The following SYNE1 variants were observed in gnomAD, a reference collection of about 807,000 sequenced individuals.
SYNE1 encodes the protein nesprin-1.
Under a neutral mutation model 1,111.0 loss-of-function variants are expected in SYNE1, and 616 were observed. That is an observed-to-expected ratio of 0.55 (90% CI 0.52 to 0.59). SYNE1 has a LOEUF of 0.59. SYNE1 is among the 20% of genes least tolerant of loss of function. The probability of loss-of-function intolerance (pLI) is 0.00; values close to 1 mark genes in which losing one functional copy is unlikely to be tolerated. For synonymous variants in SYNE1, 3,855 were observed against 3,825.8 expected (o/e 1.01, Z -0.28); for missense variants, 10,006 against 10,417.0 (o/e 0.96, Z 1.72).
intron 22 of SYNE1, 82 bp downstream of exon 22, chr6:152,458,675 G>T: frequency 6.9e-7 from 1 of 1,457,348 alleles, no homozygotes; most frequent in South Asian, 1.2e-5. Flanking sequence ...TGTCCTCACT[G>T]AATTTCTATT....
At chr6:152,268,021 C>G in intron 100 of SYNE1, 35 bp downstream of exon 100, 1 of 1,542,782 alleles carries the variant, frequency 6.5e-7, no homozygotes, top group Non-Finnish European at 9.0e-7. Context: ...CAGGGAAACA[C>G]AATGAAGAGA....
Position 152,329,948 on chromosome 6 carries a change from G to A in SYNE1, c.14737C>T (p.Leu4913=), listed in dbSNP as rs1292213434. 6.2e-7 allele frequency: 1 copy of A among 1,614,066 alleles called. No individual in the cohort carries two copies. The highest frequency in any genetic ancestry group is 1.3e-5 in the African/African-American group (1 of 74,926). ...VKAELSGPVY[L]DLNLQDIQEE... is the part of the protein sequence containing the mutation. ...TGGATGTCCTGCAGGTTGAGGTCTA[G>A]GTACACCGGCCCACTGAGCTCTGCC... Residue 4913 remains leucine, a synonymous_variant, in exon 78 of 146, where the codon CTA becomes TTA. Transcript: ENST00000367255.
chr6:152,439,057 T>TCA (rs2098503009), intron 32 of SYNE1, among the ~76,000 whole-genome samples: 1 of 152,224 alleles, frequency 6.6e-6, no homozygotes, highest in Non-Finnish European at 1.5e-5. Flanking sequence ...ATGATACCTA[T>TCA]TTCTTAGGAC....
chr6:152,160,947 T>A (rs1228449285), intron 131 of SYNE1, among the ~76,000 whole-genome samples: 2 of 151,938 alleles, frequency 1.3e-5, no homozygotes, highest in Non-Finnish European at 2.9e-5. Context: ...TATATATGAA[T>A]ATATATACAC....
chr6:152,180,345 C>T (rs769296449), intron 128 of SYNE1, 51 bp from the exon 129 acceptor site: 19 of 1,566,796 alleles, frequency 1.2e-5, no homozygotes, highest in Non-Finnish European at 1.1e-5. Flanking sequence ...AGAGAGAAGA[C>T]CACACTCCAA....
rs558746681 is a variant in SYNE1 at position 152,255,716 on chromosome 6, A to G, written c.19135T>C (p.Leu6379=). The change falls in exon 103 of 146, where the codon TTG becomes CTG. Residue 6379 remains leucine, a synonymous_variant. Transcript: ENST00000367255. ...SGGAKRQSIH[L]EQKLYDGVSA... is the part of the protein sequence containing the mutation. Reference sequence around the variant, plus strand: ...ACTCCATCATACAACTTCTGCTCCAAGTGTATACTCTGCCTCTTTGCCCCT... The same window carrying G: ...ACTCCATCATACAACTTCTGCTCCAGGTGTATACTCTGCCTCTTTGCCCCT... 1.9e-6 allele frequency: 3 copies of G among 1,614,198 alleles called. No individual in the cohort carries two copies. In the South Asian group the frequency reaches 3.3e-5, roughly 18 times the overall value.
chr6:152,516,314 A>T (rs2099111541), intron 6 of SYNE1, among the ~76,000 whole-genome samples: 1 of 152,226 alleles, frequency 6.6e-6, no homozygotes, highest in Non-Finnish European at 1.5e-5. Context: ...TTCTCAAGAC[A>T]CTACTTTTGG....
At chr6:152,546,027 G>A (rs187996285) in intron 3 of SYNE1, 29 of 152,158 alleles carry the variant, frequency 1.9e-4, no homozygotes, top group Non-Finnish European at 2.9e-4. Flanking sequence ...TGAATACAAA[G>A]GGGAAAACAA....
In SYNE1 at chr6:152,484,038, C is replaced by CAAAAAA. The variant is rs773019397; in HGVS notation, c.1185+791_1186-790dup. ...GCAATATAGTGAGATCTCATCTCTACAAAAAAAAAAAAAAAAAAAAAAAAT... is the reference window on the plus strand; with the variant it reads ...GCAATATAGTGAGATCTCATCTCTACAAAAAAAAAAAAAAAAAAAAAAAAAAAAAAT... On this transcript the variant is annotated intron_variant, in intron 13 of 145. Transcript: ENST00000367255. 9.3e-5 allele frequency among the ~76,000 whole-genome samples: 5 copies of CAAAAAA among 53,502 alleles called. 1 individual carries two copies. Among genetic ancestry groups the CAAAAAA allele is most frequent in the Admixed American group, 2.1e-4 (1 of 4,672 alleles). 35.1% of individuals were successfully genotyped at this position (53,502 alleles called of 152,430 possible).
intron 127 of SYNE1, among the ~76,000 whole-genome samples, chr6:152,199,272 T>C (rs7771170): frequency 0.01 from 1,588 of 152,338 alleles, 28 homozygotes; most frequent in African/African-American, 0.036. Context: ...CCTTTCTTTT[T>C]GTCCTGAATT....
At chr6:152,140,292 G>A (rs1407138362) in intron 139 of SYNE1, 131 bp from the exon 140 acceptor site, 12 of 856,250 alleles carry the variant, frequency 1.4e-5, no homozygotes, top group South Asian at 4.3e-5. Context: ...GGGCATTTTC[G>A]TTGTTGTCAT....
chr6:152,392,324 C>T (rs1444365446), intron 51 of SYNE1, among the ~76,000 whole-genome samples: 1 of 152,012 alleles, frequency 6.6e-6, no homozygotes, highest in Non-Finnish European at 1.5e-5. Context: ...CTTGTTATAT[C>T]TTGTGTATTG....
intron 6 of SYNE1, among the ~76,000 whole-genome samples, chr6:152,516,562 C>G (rs1226606262): frequency 6.6e-6 from 1 of 151,942 alleles, no homozygotes; most frequent in Non-Finnish European, 1.5e-5. Flanking sequence ...GAATGAATGA[C>G]CTGAAAAACT....
chr6:152,224,746 A>G, intron 116 of SYNE1, 82 bp from the exon 117 acceptor site: 1 of 1,344,362 alleles, frequency 7.4e-7, no homozygotes. Flanking sequence ...GGAAAATATT[A>G]ACATCTAAGA....
chr6:152,185,536 A>G (rs2069598246), intron 128 of SYNE1: 1 of 152,244 alleles, frequency 6.6e-6, no homozygotes, highest in Non-Finnish European at 1.5e-5. Context: ...TGGCACCTTG[A>G]TCAAACCCAT....
intron 6 of SYNE1, 119 bp from the exon 7 acceptor site, chr6:152,511,222 A>G: frequency 2.3e-6 from 2 of 878,906 alleles, no homozygotes; most frequent in South Asian, 2.9e-5. Context: ...ATGTAATAGT[A>G]CATGGGAGTA....
At position 152,353,751 on chromosome 6, in the gene SYNE1, T is replaced by A; in HGVS notation, c.10927-7A>T. On this transcript the variant is annotated splice_region_variant and splice_polypyrimidine_tract_variant and intron_variant, in intron 67 of 145. Transcript: ENST00000367255. ...TCACTTCTTCGTGCCACTTCTGAAA[T>A]GACAAAGTATCGAAGGGAAAGATTC... 6.2e-7 allele frequency: 1 copy of A among 1,613,838 alleles called. No individual in the cohort carries two copies. The highest frequency in any genetic ancestry group is 8.5e-7 in the Non-Finnish European group (1 of 1,180,038).
At chr6:152,156,789 T>C (rs2061462906) in intron 131 of SYNE1, among the ~76,000 whole-genome samples, 1 of 152,112 alleles carries the variant, frequency 6.6e-6, no homozygotes, top group South Asian at 2.1e-4. Flanking sequence ...ATGCATGTGC[T>C]AGACCTGGCA....
intron 3 of SYNE1, among the ~76,000 whole-genome samples, chr6:152,620,387 C>T (rs371460542): frequency 1.3e-5 from 2 of 152,142 alleles, no homozygotes; most frequent in East Asian, 1.9e-4. Flanking sequence ...GTGCTGACAA[C>T]GTCCAAATGT....
Sources: allele counts gnomAD v4.1 joint callset (sites outside exome capture counted in the v4.1 genomes callset), GRCh38; gene constraint gnomAD v4.1.1; transcripts MANE v1.5; gene names NCBI Gene and HGNC (gene_info 2026-07-23, HGNC 2026-07-21).